The following BCL9 variants were observed in gnomAD, a reference collection of about 807,000 sequenced individuals.
BCL9 encodes B-cell CLL/lymphoma 9 protein.
BCL9 carries 25 observed loss-of-function variants against 88.5 expected under a neutral mutation model. The ratio of observed to expected loss-of-function variants is 0.28; its 90% CI spans 0.21 to 0.39. The LOEUF (loss-of-function observed/expected upper bound fraction) is 0.39, where lower values mean the gene tolerates loss of function less well. Ranked by LOEUF, BCL9 falls within the 10% of genes least tolerant of loss-of-function variation. The pLI is 1.00. For synonymous variants in BCL9, 711 were observed against 673.3 expected (o/e 1.06, Z -0.87); for missense variants, 1,817 against 1,877.8 (o/e 0.97, Z 0.60).
chr1:147,626,122 G>A lies in BCL9; in HGVS notation c.*1163G>A, dbSNP rs587762791. On this transcript the variant is annotated 3_prime_UTR_variant, in exon 10 of 10. Transcript: ENST00000234739. The stretch of plus-strand genomic sequence containing the variant: ...CTTCCCTTTCCTCCCCCTCCCATGC[G>A]TAAGACGTTCTGTGTAACCTCCATT... 3.4e-4 allele frequency: 73 copies of A among 212,496 alleles called. No individual in the cohort carries two copies. The highest frequency in any genetic ancestry group is 3.0e-3 in the Middle Eastern group (2 of 668). The allele number at this position is 212,496 out of a possible 1,614,324, so 13.2% of individuals were successfully genotyped here. A position where few individuals can be genotyped will look rare whatever the true frequency, so the allele number is the denominator to read the frequency against.
intron 3 of BCL9, among the ~76,000 whole-genome samples, chr1:147,608,468 C>T (rs989635833): frequency 1.3e-5 from 2 of 151,260 alleles, no homozygotes; most frequent in Non-Finnish European, 2.9e-5. Flanking sequence ...AGGCTTAGTC[C>T]ACCTGTGGCT....
intron 1 of BCL9, among the ~76,000 whole-genome samples, chr1:147,571,389 A>G (rs1553197399): frequency 2.6e-5 from 4 of 151,708 alleles, no homozygotes; most frequent in African/African-American, 9.7e-5. Flanking sequence ...ACCTGACACC[A>G]CCCTTGGGTG....
intron 1 of BCL9, among the ~76,000 whole-genome samples, chr1:147,568,333 G>T (rs1214209389): frequency 1.3e-5 from 2 of 152,054 alleles, no homozygotes; most frequent in Admixed American, 6.6e-5. Context: ...ATACAACCTA[G>T]AATGCTCCAC....
chr1:147,582,045 T>C (rs1276713070), intron 1 of BCL9, among the ~76,000 whole-genome samples: 3 of 152,266 alleles, frequency 2.0e-5, no homozygotes, highest in Non-Finnish European at 2.9e-5. Context: ...TTTCACATTT[T>C]ATTGCATTTT....
At chr1:147,586,071 T>G (rs1656587418) in intron 1 of BCL9, among the ~76,000 whole-genome samples, 1 of 152,158 alleles carries the variant, frequency 6.6e-6, no homozygotes, top group Non-Finnish European at 1.5e-5. Flanking sequence ...GGCCTCTCTG[T>G]GCTTGGCACT....
At position 147,612,784 on chromosome 1, in the gene BCL9, A is replaced by G. The variant is rs880001596; in HGVS notation, c.54-99A>G. On this transcript the variant is annotated intron_variant, in intron 4 of 9. Coordinates refer to ENST00000234739, the MANE Select transcript of BCL9 (RefSeq NM_004326.4). Reference sequence around the variant, plus strand: ...ATCATGGGGTGGTTATTTTAGTCCTAAGGGTCTCCTTGACCCCCAATAGAA... The same window carrying G: ...ATCATGGGGTGGTTATTTTAGTCCTGAGGGTCTCCTTGACCCCCAATAGAA... The G allele has an allele frequency of 3.5e-5, 43 of 1,222,646 alleles. 1 individual carries two copies. The South Asian group carries it at 5.4e-4, about 15-fold the overall frequency. The allele number at this position is 1,222,646 out of a possible 1,614,324, so 75.7% of individuals were successfully genotyped here. A position where few individuals can be genotyped will look rare whatever the true frequency, so the allele number is the denominator to read the frequency against.
At chr1:147,563,882 A>G (rs1655489494) in intron 1 of BCL9, among the ~76,000 whole-genome samples, 1 of 152,222 alleles carries the variant, frequency 6.6e-6, no homozygotes, top group African/African-American at 2.4e-5. Context: ...AATCCTGAAA[A>G]CAGGTAAAAT....
chr1:147,617,694 A>G (rs1319583298), intron 7 of BCL9, among the ~76,000 whole-genome samples: 1 of 152,236 alleles, frequency 6.6e-6, no homozygotes, highest in Non-Finnish European at 1.5e-5. Flanking sequence ...ACATATTTGC[A>G]CACAGGTAAA....
chr1:147,623,729 C>T (rs1342450809), intron 9 of BCL9, 113 bp from the exon 10 acceptor site: 4 of 1,240,860 alleles, frequency 3.2e-6, no homozygotes, highest in Non-Finnish European at 4.5e-6. Context: ...GTATGTTTTC[C>T]CAGCATTATA....
rs1553205347 is a variant in BCL9, at chr1:147,621,097, G to A, written c.2902+40G>A. On this transcript the variant is annotated intron_variant, in intron 8 of 9. Transcript: ENST00000234739. ...ATCCTCACAGTTGCACCTAGTAGCT[G>A]GAGACTGCTAGACCTGATAGTTACT... 3.2e-6 allele frequency: 5 copies of A among 1,559,944 alleles called. No individual in the cohort carries two copies. In the Admixed American group the frequency reaches 7.0e-5, roughly 22 times the overall value.
In BCL9 at chr1:147,620,239, A is replaced by G. The variant is rs371686846; in HGVS notation, c.2084A>G (p.Lys695Arg). 1.9e-6 allele frequency: 3 copies of G among 1,613,916 alleles called. No individual in the cohort carries two copies. Among genetic ancestry groups the G allele is most frequent in the Non-Finnish European group, 2.5e-6 (3 of 1,179,990 alleles). The change falls in exon 8 of 10, where the codon AAA (lysine) becomes AGA (arginine). Residue 695 changes from lysine to arginine, a missense_variant. Lys to Arg is a conservative substitution (Grantham distance 26). Coordinates refer to ENST00000234739, the MANE Select transcript of BCL9 (RefSeq NM_004326.4). ...PLSPSRGDFP[K>R]GIPPQMGPGR... ...AGTCCTTCTAGGGGTGACTTTCCAA[A>G]AGGAATTCCCCCACAGATGGGCCCT...
chr1:147,555,401 T>C (rs1331451983), intron 1 of BCL9, among the ~76,000 whole-genome samples: 1 of 152,226 alleles, frequency 6.6e-6, no homozygotes, highest in Non-Finnish European at 1.5e-5. Context: ...TCTTCCCCTG[T>C]AAGAGATCAT....
intron 7 of BCL9, among the ~76,000 whole-genome samples, chr1:147,618,387 G>A (rs1557858381): frequency 6.6e-6 from 1 of 152,146 alleles, no homozygotes; most frequent in Non-Finnish European, 1.5e-5. Context: ...TTGACAATGA[G>A]AAGTCTACAT....
chr1:147,573,227 GATC>G (rs1553197675), intron 1 of BCL9, among the ~76,000 whole-genome samples: 2 of 152,172 alleles, frequency 1.3e-5, no homozygotes, highest in African/African-American at 4.8e-5. Flanking sequence ...CATGTGGGTG[GATC>G]ATCTGAGGTC....
chr1:147,600,976 G>A (rs1033901990), intron 1 of BCL9, among the ~76,000 whole-genome samples: 2 of 152,288 alleles, frequency 1.3e-5, no homozygotes, highest in East Asian at 1.9e-4. Flanking sequence ...TGAGTGTTGG[G>A]TGAGCCTGGT....
At chr1:147,564,850 C>T (rs1553196496) in intron 1 of BCL9, among the ~76,000 whole-genome samples, 3 of 152,160 alleles carry the variant, frequency 2.0e-5, no homozygotes, top group Non-Finnish European at 1.5e-5. Flanking sequence ...GTCTGGCTTA[C>T]ATAAAGTTAA....
intron 1 of BCL9, among the ~76,000 whole-genome samples, chr1:147,564,336 G>T (rs1483737397): frequency 2.0e-5 from 3 of 151,846 alleles, no homozygotes; most frequent in African/African-American, 7.3e-5. Flanking sequence ...GGATTATTGA[G>T]CCCCTGGCAT....
In BCL9 at chr1:147,616,044, T is replaced by C. The variant is rs78067032; in HGVS notation, c.660+142T>C. ...GGCATTTAACCTAATTCTGGCATTGTGGGGCATTAGGCATATCATACTATA... is the reference window on the plus strand; with the variant it reads ...GGCATTTAACCTAATTCTGGCATTGCGGGGCATTAGGCATATCATACTATA... On this transcript the variant is annotated intron_variant, in intron 7 of 9. Transcript: ENST00000234739. The C allele has an allele frequency of 2.3e-4, 175 of 768,762 alleles. No homozygotes were observed. In the East Asian group the frequency reaches 4.5e-3, roughly 20 times the overall value. The allele number at this position is 768,762 out of a possible 1,614,324, so 47.6% of individuals were successfully genotyped here. A position where few individuals can be genotyped will look rare whatever the true frequency, so the allele number is the denominator to read the frequency against.
chr1:147,578,968 C>T (rs782331024), intron 1 of BCL9, among the ~76,000 whole-genome samples: 5 of 151,908 alleles, frequency 3.3e-5, no homozygotes, highest in African/African-American at 7.3e-5. Context: ...TGGGTTCAAG[C>T]GATTCTCCTG....
Sources: gnomAD v4.1 joint callset for allele counts (sites outside exome capture counted in the v4.1 genomes callset) on GRCh38, gnomAD v4.1.1 for gene constraint, MANE v1.5 for transcripts, NCBI Gene and HGNC (gene_info 2026-07-23, HGNC 2026-07-21) for gene names.